EYS: variants seen among roughly 807,000 people sequenced by gnomAD.
EYS encodes the protein protein eyes shut homolog.
A neutral mutation model predicts 282.1 loss-of-function variants in EYS; 250 were observed. That is an observed-to-expected ratio of 0.89 (90% CI 0.80 to 0.98). The LOEUF (loss-of-function observed/expected upper bound fraction) is 0.98, where lower values mean the gene tolerates loss of function less well. Among genes scored for constraint, EYS ranks in the 50% least tolerant of loss-of-function variants. The pLI, the probability that EYS is intolerant of heterozygous loss-of-function variation, is 0.00. For synonymous variants in EYS, 1,355 were observed against 1,282.9 expected, an observed-to-expected ratio of 1.06 and a Z score of -1.20; for missense variants, 4,016 against 3,709.0, an observed-to-expected ratio of 1.08 and a Z score of -2.15.
At chr6:65,423,262 A>G (rs1041829645) in intron 5 of EYS, among the ~76,000 whole-genome samples, 3 of 152,050 alleles carry the variant, frequency 2.0e-5, no homozygotes, top group African/African-American at 7.2e-5. Context: ...TGTCACATGT[A>G]TGTGGGATTT....
At chr6:65,144,776 T>A (rs1169966255) in intron 12 of EYS, among the ~76,000 whole-genome samples, 1 of 151,832 alleles carries the variant, frequency 6.6e-6, no homozygotes, top group African/African-American at 2.4e-5. Context: ...TTACTTTTTT[T>A]TTTTTTGAGA....
chr6:65,201,815 G>T (rs1367546970), intron 12 of EYS, among the ~76,000 whole-genome samples: 2 of 150,814 alleles, frequency 1.3e-5, no homozygotes, highest in Admixed American at 6.6e-5. Flanking sequence ...AAATGATTTT[G>T]TGTGTGTGTG....
At chr6:64,000,202 T>A (rs1400049987) in intron 33 of EYS, among the ~76,000 whole-genome samples, 5 of 92,610 alleles carry the variant, frequency 5.4e-5, no homozygotes, top group Admixed American at 1.1e-4. Flanking sequence ...TTTTTTTTTT[T>A]TTTTTTTTAG....
chr6:64,141,787 T>G (rs1190722213), intron 31 of EYS, among the ~76,000 whole-genome samples: 2 of 152,156 alleles, frequency 1.3e-5, no homozygotes, highest in Non-Finnish European at 2.9e-5. Flanking sequence ...AACACTTAGA[T>G]CTTTAAAACC....
intron 5 of EYS, among the ~76,000 whole-genome samples, chr6:65,421,939 C>A (rs1209540009): frequency 1.3e-5 from 2 of 151,768 alleles, no homozygotes; most frequent in Non-Finnish European, 2.9e-5. Flanking sequence ...GATCACAGAG[C>A]CCCATGTAGA....
intron 8 of EYS, among the ~76,000 whole-genome samples, chr6:65,381,985 C>A (rs779341591): frequency 6.6e-6 from 1 of 151,784 alleles, no homozygotes; most frequent in African/African-American, 2.4e-5. Context: ...TCAATAAAGA[C>A]ATTTTATTTC....
intron 7 of EYS, among the ~76,000 whole-genome samples, chr6:65,388,082 C>A (rs1210874214): frequency 6.6e-6 from 1 of 152,022 alleles, no homozygotes; most frequent in African/African-American, 2.4e-5. Flanking sequence ...CTATGGACTA[C>A]TTCATATGAT....
rs554238725 is a variant in EYS, at chr6:64,527,053, C to A, written c.5644+63170G>T. 5.3e-5 allele frequency among the ~76,000 whole-genome samples: 8 copies of A among 151,788 alleles called. No individual in the cohort carries two copies. The South Asian group carries it at 6.2e-4, about 12-fold the overall frequency. ...ATCCTTTGAGTAAAGAAAAAAAATTCTTAAAACATTTCTTTCTGGTGACAT... is the reference window on the plus strand; with the variant it reads ...ATCCTTTGAGTAAAGAAAAAAAATTATTAAAACATTTCTTTCTGGTGACAT... On this transcript the variant is annotated intron_variant, in intron 26 of 42. Transcript: ENST00000503581.
chr6:63,871,845 C>T (rs1453330826), intron 35 of EYS, among the ~76,000 whole-genome samples: 1 of 152,152 alleles, frequency 6.6e-6, no homozygotes, highest in Non-Finnish European at 1.5e-5. Flanking sequence ...CTTCCTAGCT[C>T]TGCCGTTCTT....
At position 64,864,385 on chromosome 6, in the gene EYS, CTTTTTTTT is replaced by C. The variant is rs769240399; in HGVS notation, c.2992+22304_2992+22311del. Among the ~76,000 whole-genome samples, 175 of 57,196 alleles carry C rather than the reference CTTTTTTTT, an allele frequency of 3.1e-3. 9 individuals are homozygous for C. Among genetic ancestry groups the C allele is most frequent in the African/African-American group, 9.6e-3 (164 of 17,118 alleles). 37.5% of individuals were successfully genotyped at this position (57,196 alleles called of 152,430 possible). ...GAGAAATACAGAGGTGCTATACCTT[CTTTTTTTT>C]TTTTTTTTTTTTTGACAGAATCTTG... On this transcript the variant is annotated intron_variant, in intron 19 of 42. Coordinates refer to ENST00000503581, the MANE Select transcript of EYS (RefSeq NM_001142800.2).
intron 22 of EYS, among the ~76,000 whole-genome samples, chr6:64,666,909 CT>C (rs1769251388): frequency 6.6e-6 from 1 of 152,036 alleles, no homozygotes. Flanking sequence ...TTTCTCAATT[CT>C]TTCATTTTCC....
At chr6:63,900,229 C>A (rs772877733) in intron 35 of EYS, among the ~76,000 whole-genome samples, 1 of 151,906 alleles carries the variant, frequency 6.6e-6, no homozygotes, top group African/African-American at 2.4e-5. Flanking sequence ...AGAATAATAA[C>A]AATAAAAATG....
chr6:65,070,016 A>T (rs1773859380), intron 12 of EYS, among the ~76,000 whole-genome samples: 1 of 151,920 alleles, frequency 6.6e-6, no homozygotes, highest in Non-Finnish European at 1.5e-5. Context: ...AACTCAAGTG[A>T]TACACACGTC....
chr6:65,312,860 C>T (rs987072993), intron 11 of EYS, among the ~76,000 whole-genome samples: 1 of 151,974 alleles, frequency 6.6e-6, no homozygotes, highest in Admixed American at 6.6e-5. Flanking sequence ...TAATATATGC[C>T]AATCTCAAAG....
intron 29 of EYS, among the ~76,000 whole-genome samples, chr6:64,350,163 G>T (rs1771571752): frequency 6.6e-6 from 1 of 151,240 alleles, no homozygotes; most frequent in African/African-American, 2.4e-5. Flanking sequence ...AACATTTTTT[G>T]TCATACATAA....
intron 26 of EYS, among the ~76,000 whole-genome samples, chr6:64,458,066 C>G (rs529145438): frequency 6.6e-6 from 1 of 152,130 alleles, no homozygotes; most frequent in Non-Finnish European, 1.5e-5. Flanking sequence ...AATCTCTACA[C>G]TTTGACTCCA....
intron 22 of EYS, among the ~76,000 whole-genome samples, chr6:64,747,137 C>T (rs1772581156): frequency 6.6e-6 from 1 of 152,150 alleles, no homozygotes; most frequent in African/African-American, 2.4e-5. Flanking sequence ...AAACTTATAA[C>T]TGGATGATGA....
chr6:63,881,963 C>T (rs973195836), intron 35 of EYS, among the ~76,000 whole-genome samples: 2 of 152,126 alleles, frequency 1.3e-5, no homozygotes, highest in African/African-American at 4.8e-5. Flanking sequence ...TTTTTAAAGA[C>T]AGGACATGAT....
chr6:65,108,992 T>A (rs1293059524), intron 12 of EYS, among the ~76,000 whole-genome samples: 1 of 151,904 alleles, frequency 6.6e-6, no homozygotes, highest in Non-Finnish European at 1.5e-5. Flanking sequence ...CACCCAGTGA[T>A]TTTTTTTCAA....
Sources: gnomAD v4.1 joint callset for allele counts (sites outside exome capture counted in the v4.1 genomes callset) on GRCh38, gnomAD v4.1.1 for gene constraint, MANE v1.5 for transcripts, NCBI Gene and HGNC (gene_info 2026-07-23, HGNC 2026-07-21) for gene names.